PRCP: variants seen among roughly 807,000 people sequenced by gnomAD.
The protein encoded by PRCP is prolylcarboxypeptidase.
PRCP carries 46 observed loss-of-function variants against 54.2 expected under a neutral mutation model. The observed-to-expected ratio is 0.85, with a 90% CI of 0.67 to 1.09. The LOEUF is 1.09. PRCP is among the 50% of genes least tolerant of loss of function. The pLI, the probability that PRCP is intolerant of heterozygous loss-of-function variation, is 0.00. For missense variants in PRCP, 613 were observed against 596.8 expected (o/e 1.03, Z -0.28); for synonymous variants, 240 against 212.2 (o/e 1.13, Z -1.14).
rs1375604267 is a variant in PRCP at position 82,823,531 on chromosome 11, A to T, written c.*1375T>A. On this transcript the variant is annotated 3_prime_UTR_variant, in exon 9 of 9. Coordinates refer to ENST00000313010, the MANE Select transcript of PRCP (RefSeq NM_005040.4). The stretch of plus-strand genomic sequence containing the variant: ...GCTTTCCATCCCAAGAATGAACTCT[A>T]TATATGCCCTTAAAAAAAAAAAATG... The T allele has an allele frequency of 1.6e-5, 2 of 126,074 alleles. No homozygotes were observed. The highest frequency in any genetic ancestry group is 3.6e-5 in the African/African-American group (1 of 27,988). 7.8% of individuals were successfully genotyped at this position (126,074 alleles called of 1,614,324 possible). A position where few individuals can be genotyped will look rare whatever the true frequency, so the allele number is the denominator to read the frequency against.
chr11:82,880,489 C>T (rs1859722108), intron 1 of PRCP, among the ~76,000 whole-genome samples: 2 of 152,212 alleles, frequency 1.3e-5, no homozygotes, highest in South Asian at 4.1e-4. Context: ...TTGCACTTCC[C>T]AGGTGAGGCA....
intron 1 of PRCP, among the ~76,000 whole-genome samples, chr11:82,885,544 T>C (rs554075076): frequency 2.5e-4 from 38 of 152,322 alleles, no homozygotes; most frequent in African/African-American, 7.9e-4. Flanking sequence ...CTTTATTAAA[T>C]AGAAGAACGC....
intron 1 of PRCP, among the ~76,000 whole-genome samples, chr11:82,879,521 C>G (rs1222003718): frequency 6.6e-6 from 1 of 152,194 alleles, no homozygotes; most frequent in Non-Finnish European, 1.5e-5. Flanking sequence ...TCATCTGAAG[C>G]CTTCTTCTCT....
intron 2 of PRCP, among the ~76,000 whole-genome samples, chr11:82,856,668 AC>A (rs1275521391): frequency 1.4e-5 from 2 of 146,226 alleles, no homozygotes; most frequent in Non-Finnish European, 3.0e-5. Flanking sequence ...CTGCACATGT[AC>A]CCCCTGAACC....
Position 82,848,098 on chromosome 11 carries a change from A to G in PRCP, c.921+951T>C, listed in dbSNP as rs1274700422. On this transcript the variant is annotated intron_variant, in intron 6 of 8. Coordinates refer to ENST00000313010, the MANE Select transcript of PRCP (RefSeq NM_005040.4). Reference sequence around the variant, plus strand: ...AATTTTTAAGCAAGGTATACATGTAATAATTCAAAGGGGTGGTTAAATTAA... The same window carrying G: ...AATTTTTAAGCAAGGTATACATGTAGTAATTCAAAGGGGTGGTTAAATTAA... Among the ~76,000 whole-genome samples the G allele has an allele frequency of 2.6e-5, 4 of 152,356 alleles. No homozygotes were observed. In the East Asian group the frequency reaches 5.8e-4, roughly 22 times the overall value.
chr11:82,836,958 A>T (rs555672732), intron 8 of PRCP: 1 of 332,784 alleles, frequency 3.0e-6, no homozygotes, highest in African/African-American at 2.2e-5. Flanking sequence ...TTGAGGAGAT[A>T]TATCAAGGAA....
At chr11:82,895,129 C>G (rs76501753) in intron 1 of PRCP, among the ~76,000 whole-genome samples, 2,342 of 152,242 alleles carry the variant, frequency 0.015, 71 homozygotes, top group African/African-American at 0.053. Flanking sequence ...TGTTTACTAA[C>G]TGTTATGCAC....
chr11:82,859,549 T>A (rs1365090634), intron 2 of PRCP, among the ~76,000 whole-genome samples: 1 of 152,158 alleles, frequency 6.6e-6, no homozygotes, highest in African/African-American at 2.4e-5. Context: ...AGTAACATTC[T>A]TATCCGTTTC....
chr11:82,825,918 C>T (rs1858220147), intron 8 of PRCP: 1 of 152,092 alleles, frequency 6.6e-6, no homozygotes, highest in South Asian at 2.1e-4. Context: ...GTAAAAAATC[C>T]AATACAACCA....
At chr11:82,886,808 T>C (rs1388467117) in intron 1 of PRCP, among the ~76,000 whole-genome samples, 2 of 152,208 alleles carry the variant, frequency 1.3e-5, no homozygotes, top group Non-Finnish European at 2.9e-5. Flanking sequence ...TAAATATGCA[T>C]TTATTCAGTG....
chr11:82,866,454 T>G (rs1859337290), intron 1 of PRCP, among the ~76,000 whole-genome samples: 1 of 152,232 alleles, frequency 6.6e-6, no homozygotes, highest in African/African-American at 2.4e-5. Context: ...TCTATAAGTG[T>G]TAACCAGGAG....
chr11:82,835,693 TG>T lies in PRCP; in HGVS notation c.1274+2693del, dbSNP rs565502016. Reference sequence around the variant, plus strand: ...ACGACGGTAGGAAAAAAGACATTTCTGATGTTCTAGATGACTTGAACTTCTT... The same window carrying T: ...ACGACGGTAGGAAAAAAGACATTTCTATGTTCTAGATGACTTGAACTTCTT... On this transcript the variant is annotated intron_variant, in intron 8 of 8. Transcript: ENST00000313010. The T allele has an allele frequency of 8.1e-4, 251 of 310,400 alleles. 6 individuals carry two copies. The highest frequency in any genetic ancestry group is 7.1e-3 in the South Asian group (246 of 34,784). The allele number at this position is 310,400 out of a possible 1,614,324, so 19.2% of individuals were successfully genotyped here.
chr11:82,889,175 C>T (rs1308854708), intron 1 of PRCP, among the ~76,000 whole-genome samples: 1 of 151,910 alleles, frequency 6.6e-6, no homozygotes, highest in Non-Finnish European at 1.5e-5. Flanking sequence ...GCCTGGGCAA[C>T]ATAGCAAGAC....
chr11:82,852,534 A>C (rs1167262340), intron 3 of PRCP, among the ~76,000 whole-genome samples: 1 of 152,212 alleles, frequency 6.6e-6, no homozygotes, highest in Non-Finnish European at 1.5e-5. Flanking sequence ...TTAAAAAGTG[A>C]GCTGATTAAA....
chr11:82,893,024 T>C (rs904471158), intron 1 of PRCP, among the ~76,000 whole-genome samples: 1 of 152,236 alleles, frequency 6.6e-6, no homozygotes, highest in Non-Finnish European at 1.5e-5. Flanking sequence ...TAGTGCTGTC[T>C]GTCTAGGCAC....
intron 6 of PRCP, among the ~76,000 whole-genome samples, chr11:82,844,319 A>C (rs533779382): frequency 1.3e-5 from 2 of 152,308 alleles, no homozygotes; most frequent in African/African-American, 4.8e-5. Context: ...GTTACTCAGG[A>C]GGCTTAAGCA....
At chr11:82,843,490 C>T (rs1198196788) in intron 6 of PRCP, among the ~76,000 whole-genome samples, 1 of 152,180 alleles carries the variant, frequency 6.6e-6, no homozygotes, top group South Asian at 2.1e-4. Flanking sequence ...TTAGCTTAAC[C>T]CTGATAATGT....
rs577445268 is a variant in PRCP at position 82,844,523 on chromosome 11, G to A, written c.921+4526C>T. Among the ~76,000 whole-genome samples, 518 of 152,204 alleles carry A rather than the reference G, an allele frequency of 3.4e-3. 1 individual carries two copies. Among genetic ancestry groups the A allele is most frequent in the Non-Finnish European group, 6.3e-3 (428 of 67,982 alleles). ...AGGCTGAGGCGGGTGGATCACCTGAGATCAGGAGTTCGAAACCAGCCTGGC... is the reference window on the plus strand; with the variant it reads ...AGGCTGAGGCGGGTGGATCACCTGAAATCAGGAGTTCGAAACCAGCCTGGC... On this transcript the variant is annotated intron_variant, in intron 6 of 8. Coordinates refer to ENST00000313010, the MANE Select transcript of PRCP (RefSeq NM_005040.4).
chr11:82,876,570 T>G (rs11233359), intron 1 of PRCP, among the ~76,000 whole-genome samples: 36,697 of 152,110 alleles, frequency 0.24, 5,025 homozygotes, highest in Admixed American at 0.3. Context: ...GGGGCCAGTC[T>G]TTCTTGTGCA....
Sources: gnomAD v4.1 joint callset for allele counts (sites outside exome capture counted in the v4.1 genomes callset) on GRCh38, gnomAD v4.1.1 for gene constraint, MANE v1.5 for transcripts, NCBI Gene and HGNC (gene_info 2026-07-23, HGNC 2026-07-21) for gene names.